The following KCNQ5 variants were observed in gnomAD, a reference collection of about 807,000 sequenced individuals.
KCNQ5 encodes the protein potassium voltage-gated channel subfamily Q member 5.
A neutral mutation model predicts 98.2 loss-of-function variants in KCNQ5; 30 were observed. The ratio of observed to expected loss-of-function variants is 0.31; its 90% CI spans 0.23 to 0.41. The LOEUF (loss-of-function observed/expected upper bound fraction) is 0.41, where lower values mean the gene tolerates loss of function less well. Ranked by LOEUF, KCNQ5 falls within the 10% of genes least tolerant of loss-of-function variation. The probability of loss-of-function intolerance (pLI) is 1.00; values close to 1 mark genes in which losing one functional copy is unlikely to be tolerated. For synonymous variants in KCNQ5, 458 were observed against 449.4 expected, an observed-to-expected ratio of 1.02 and a Z score of -0.24; for missense variants, 835 against 1,182.5, an observed-to-expected ratio of 0.71 and a Z score of 4.31.
chr6:72,788,467 C>T (rs1224707011), intron 1 of KCNQ5, among the ~76,000 whole-genome samples: 1 of 152,200 alleles, frequency 6.6e-6, no homozygotes, highest in Non-Finnish European at 1.5e-5. Flanking sequence ...TAGAAAGTTT[C>T]ATTCTTCTTC....
chr6:72,994,320 G>GGC (rs1769175012), intron 1 of KCNQ5, among the ~76,000 whole-genome samples: 1 of 39,456 alleles, frequency 2.5e-5, no homozygotes, highest in East Asian at 5.2e-4. Flanking sequence ...AGATTCCGTG[G>GGC]GCGTAGGACC....
At chr6:72,696,906 T>C (rs1353376485) in intron 1 of KCNQ5, among the ~76,000 whole-genome samples, 1 of 152,230 alleles carries the variant, frequency 6.6e-6, no homozygotes, top group Non-Finnish European at 1.5e-5. Context: ...GACACTTCAG[T>C]GCCACATATT....
chr6:72,666,960 A>G (rs1265401971), intron 1 of KCNQ5, among the ~76,000 whole-genome samples: 2 of 152,212 alleles, frequency 1.3e-5, no homozygotes, highest in African/African-American at 2.4e-5. Context: ...TTCCTAAAAT[A>G]CTGGTCATGA....
At chr6:72,857,933 G>C (rs1444718460) in intron 1 of KCNQ5, among the ~76,000 whole-genome samples, 3 of 152,140 alleles carry the variant, frequency 2.0e-5, no homozygotes, top group Non-Finnish European at 4.4e-5. Context: ...CAAACTCTTG[G>C]TATTCATGAG....
chr6:72,679,177 A>G (rs988370694), intron 1 of KCNQ5, among the ~76,000 whole-genome samples: 1 of 152,166 alleles, frequency 6.6e-6, no homozygotes, highest in Non-Finnish European at 1.5e-5. Context: ...CAGCTACCAT[A>G]CAATTCACTC....
intron 1 of KCNQ5, among the ~76,000 whole-genome samples, chr6:72,879,194 T>C (rs1001350632): frequency 6.6e-6 from 1 of 152,172 alleles, no homozygotes. Context: ...TATTGACAAA[T>C]CACCTTTCAA....
intron 1 of KCNQ5, among the ~76,000 whole-genome samples, chr6:72,960,686 A>G: frequency 6.6e-6 from 1 of 152,240 alleles, no homozygotes; most frequent in Non-Finnish European, 1.5e-5. Context: ...TCAGTCTCCC[A>G]AAGTGCTGGG....
chr6:72,673,593 C>G (rs1767249823), intron 1 of KCNQ5, among the ~76,000 whole-genome samples: 1 of 151,670 alleles, frequency 6.6e-6, no homozygotes, highest in South Asian at 2.1e-4. Context: ...CAGGCAAAGG[C>G]AGTGACCCAT....
intron 1 of KCNQ5, among the ~76,000 whole-genome samples, chr6:72,930,705 C>T (rs1362533704): frequency 6.6e-6 from 1 of 151,752 alleles, no homozygotes; most frequent in Admixed American, 6.6e-5. Context: ...ATGTTGCTTA[C>T]ATTAATTGCT....
chr6:72,780,078 A>G (rs1413692978), intron 1 of KCNQ5, among the ~76,000 whole-genome samples: 13 of 152,134 alleles, frequency 8.5e-5, no homozygotes, highest in Admixed American at 8.5e-4. Flanking sequence ...AACTACCACT[A>G]TTTAGTTAAA....
intron 1 of KCNQ5, among the ~76,000 whole-genome samples, chr6:72,681,997 C>T (rs1047957676): frequency 1.3e-5 from 2 of 151,948 alleles, no homozygotes; most frequent in Admixed American, 6.6e-5. Flanking sequence ...CCTGGAGTGA[C>T]CTCCTTCTTG....
In KCNQ5 at chr6:72,622,888, C is replaced by G. The variant is rs1271453737; in HGVS notation, c.398+301C>G. On this transcript the variant is annotated intron_variant, in intron 1 of 13. Transcript: ENST00000370398. The surrounding 1 kb of genome is among the most constrained non-coding windows in gnomAD (Gnocchi z 6.0). ...CTTAGGCTGCGCGGATAATTGGGAGCAATTAGGTCCCAAGATACGTAAACT... is the reference window on the plus strand; with the variant it reads ...CTTAGGCTGCGCGGATAATTGGGAGGAATTAGGTCCCAAGATACGTAAACT... Among the ~76,000 whole-genome samples, 1 of 152,094 alleles carries G rather than the reference C, an allele frequency of 6.6e-6. No homozygotes were observed. Among genetic ancestry groups the G allele is most frequent in the Non-Finnish European group, 1.5e-5 (1 of 68,032 alleles).
intron 1 of KCNQ5, among the ~76,000 whole-genome samples, chr6:72,878,060 C>A (rs1054598242): frequency 1.3e-5 from 2 of 152,166 alleles, no homozygotes; most frequent in South Asian, 4.1e-4. Flanking sequence ...GACTTGAGGT[C>A]GGGAGTTCCA....
intron 1 of KCNQ5, among the ~76,000 whole-genome samples, chr6:72,821,624 GTT>G (rs567680340): frequency 7.1e-6 from 1 of 140,880 alleles, no homozygotes. Context: ...GTTTGGTTTT[GTT>G]TTTTTTTTTA....
At chr6:72,625,114 C>T (rs2098917406) in intron 1 of KCNQ5, among the ~76,000 whole-genome samples, 1 of 152,172 alleles carries the variant, frequency 6.6e-6, no homozygotes, top group African/African-American at 2.4e-5. Context: ...GGTGAATTTA[C>T]TTGGTCAACC....
chr6:72,790,665 T>G (rs1305399464), intron 1 of KCNQ5, among the ~76,000 whole-genome samples: 2 of 152,094 alleles, frequency 1.3e-5, no homozygotes, highest in African/African-American at 4.8e-5. Context: ...TAAAATAACA[T>G]GATCAGATTG....
intron 1 of KCNQ5, among the ~76,000 whole-genome samples, chr6:72,756,532 T>C (rs983237716): frequency 6.6e-6 from 1 of 152,182 alleles, no homozygotes; most frequent in Non-Finnish European, 1.5e-5. Context: ...CATCTATTAG[T>C]AAGTTGTAGA....
chr6:72,901,830 G>A (rs952015904), intron 1 of KCNQ5, among the ~76,000 whole-genome samples: 8 of 152,018 alleles, frequency 5.3e-5, no homozygotes, highest in African/African-American at 1.9e-4. Flanking sequence ...GGCTATGTGG[G>A]CTCTTTTCTG....
intron 2 of KCNQ5, among the ~76,000 whole-genome samples, chr6:73,027,124 A>G (rs1445525091): frequency 6.6e-6 from 1 of 152,206 alleles, no homozygotes; most frequent in Non-Finnish European, 1.5e-5. Flanking sequence ...TCAAGGAGAA[A>G]GAGGCAAGTA....
Sources: allele counts gnomAD v4.1 joint callset (sites outside exome capture counted in the v4.1 genomes callset), GRCh38; gene constraint gnomAD v4.1.1; non-coding constraint Gnocchi (gnomAD v3.1); transcripts MANE v1.5; gene names NCBI Gene and HGNC (gene_info 2026-07-23, HGNC 2026-07-21).